Variants in SCML2 observed in about 807,000 individuals in gnomAD.
SCML2 encodes the protein sex comb on midleg-like protein 2.
Under a neutral mutation model 48.4 loss-of-function variants are expected in SCML2, and 6 were observed. The observed-to-expected ratio is 0.12, with a 90% confidence interval of 0.07 to 0.24. The LOEUF (loss-of-function observed/expected upper bound fraction) is 0.24, where lower values mean the gene tolerates loss of function less well. SCML2 is among the 10% of genes least tolerant of loss of function. SCML2 has a pLI of 1.00. For missense variants in SCML2, 377 were observed against 528.2 expected (o/e 0.71, Z 2.81); for synonymous variants, 181 against 189.5 (o/e 0.95, Z 0.37).
intron 3 of SCML2, among the ~76,000 whole-genome samples, chrX:18,329,440 C>A: frequency 8.9e-6 from 1 of 111,959 alleles, no homozygotes; most frequent in Middle Eastern, 4.2e-3. Context: ...TGCACTGGGG[C>A]TGGCAGGGCA....
chrX:18,260,162 T>C lies in SCML2; in HGVS notation c.1069+9A>G, dbSNP rs944126109. 8.0e-6 allele frequency: 9 copies of C among 1,124,166 alleles called. No individual in the cohort carries two copies. Among genetic ancestry groups the C allele is most frequent in the South Asian group, 2.3e-5 (1 of 44,106 alleles). The allele number at this position is 1,124,166 out of a possible 1,213,427, so 92.6% of individuals were successfully genotyped here. ...GTAATTCTATACTATTTTTAAAATA[T>C]GAATTTACCTGTAGACATCACTATT... On this transcript the variant is annotated intron_variant, in intron 9 of 14. Coordinates refer to ENST00000251900, the MANE Select transcript of SCML2 (RefSeq NM_006089.3).
chrX:18,284,937 G>A (rs969658888), intron 7 of SCML2, among the ~76,000 whole-genome samples: 10 of 110,978 alleles, frequency 9.0e-5, no homozygotes, highest in Admixed American at 3.8e-4. Context: ...CTACTCGGGA[G>A]GCTGAGGCAG....
intron 7 of SCML2, among the ~76,000 whole-genome samples, chrX:18,290,857 T>A (rs1318546320): frequency 2.7e-5 from 3 of 111,383 alleles, no homozygotes; most frequent in Non-Finnish European, 5.7e-5. Context: ...GTTGCTGGAT[T>A]ATCCTGTCTT....
At chrX:18,253,928 T>C (rs979260068) in intron 11 of SCML2, among the ~76,000 whole-genome samples, 22 of 111,785 alleles carry the variant, frequency 2.0e-4, no homozygotes, top group African/African-American at 6.8e-4. Flanking sequence ...ATAATTCCAT[T>C]TCTATAAAGT....
intron 7 of SCML2, among the ~76,000 whole-genome samples, chrX:18,276,787 A>G (rs1439265326): frequency 8.9e-6 from 1 of 111,805 alleles, no homozygotes; most frequent in African/African-American, 3.2e-5. Flanking sequence ...AGGTAAATCC[A>G]TAGAGACAGA....
rs1368657829 is a variant in SCML2 at position 18,320,322 on chromosome X, T to C, written c.486+10A>G. ...AAAAACATGGCAGCTTTTTATAACA[T>C]CTTTCTTACCTTCTTAAATAATGTG... On this transcript the variant is annotated intron_variant, in intron 6 of 14. Coordinates refer to ENST00000251900, the MANE Select transcript of SCML2 (RefSeq NM_006089.3). 6 of 1,067,674 alleles carry C rather than the reference T, an allele frequency of 5.6e-6. No individual in the cohort carries two copies. Among genetic ancestry groups the C allele is most frequent in the Non-Finnish European group, 2.5e-6 (2 of 789,983 alleles). The allele number at this position is 1,067,674 out of a possible 1,213,427, so 88.0% of individuals were successfully genotyped here.
chrX:18,339,753 G>T (rs978251814), intron 1 of SCML2, among the ~76,000 whole-genome samples: 1 of 110,889 alleles, frequency 9.0e-6, no homozygotes, highest in Non-Finnish European at 1.9e-5. Flanking sequence ...AGAGAAGGTG[G>T]CTTTTGGCCC....
chrX:18,257,027 G>A lies in SCML2; in HGVS notation c.1277C>T (p.Ser426Phe). The A allele has an allele frequency of 8.6e-7, 1 of 1,164,189 alleles. No individual in the cohort carries two copies. The highest frequency in any genetic ancestry group is 1.1e-6 in the Non-Finnish European group (1 of 872,583). Reference protein sequence around the residue: ...DNRGGEVITASFDGETHSIQL... With the variant: ...DNRGGEVITAFFDGETHSIQL... Reference sequence around the variant, plus strand: ...GATGGAATGAGTTTCCCCATCAAAGGAGGCTATTGGGGGAAAAAAAAGGAT... The same window carrying A: ...GATGGAATGAGTTTCCCCATCAAAGAAGGCTATTGGGGGAAAAAAAAGGAT... Residue 426 changes from serine (S) to phenylalanine (F), a missense_variant, in exon 11 of 15, where the codon TCC becomes TTC. Physicochemically the swap from Ser to Phe is radical, Grantham distance 155. Coordinates refer to ENST00000251900, the MANE Select transcript of SCML2 (RefSeq NM_006089.3).
At chrX:18,258,641 G>A (rs1025120098) in intron 9 of SCML2, among the ~76,000 whole-genome samples, 3 of 110,454 alleles carry the variant, frequency 2.7e-5, no homozygotes, top group South Asian at 3.8e-4. Context: ...CTTTCAAAAC[G>A]GGTCATCTTG....
Position 18,324,763 on chromosome X carries a change from G to C in SCML2, c.162+144C>G, listed in dbSNP as rs987635826. ...ACCTGACATAGAGTAAGTTCTTAATGAATGCAAAGAGACCATCTGGCTCTT... is the reference window on the plus strand; with the variant it reads ...ACCTGACATAGAGTAAGTTCTTAATCAATGCAAAGAGACCATCTGGCTCTT... On this transcript the variant is annotated intron_variant, in intron 4 of 14. Coordinates refer to ENST00000251900, the MANE Select transcript of SCML2 (RefSeq NM_006089.3). 4 of 427,174 alleles carry C rather than the reference G, an allele frequency of 9.4e-6. No individual in the cohort carries two copies. The African/African-American group carries it at 1.0e-4, about 11-fold the overall frequency. The allele number at this position is 427,174 out of a possible 1,213,427, so 35.2% of individuals were successfully genotyped here.
At position 18,312,978 on chromosome X, in the gene SCML2, C is replaced by T. The variant is rs866708148; in HGVS notation, c.486+7354G>A. Among the ~76,000 whole-genome samples, 30 of 94,990 alleles carry T rather than the reference C, an allele frequency of 3.2e-4. No homozygotes were observed. In the East Asian group the frequency reaches 7.0e-3, roughly 22 times the overall value. 82.5% of individuals were successfully genotyped at this position (94,990 alleles called of 115,157 possible). ...GACGTTTGGAGCCAGAATGGGTGTG[C>T]GTGTGTGTGTGTGTGTGTGTGTGTG... On this transcript the variant is annotated intron_variant, in intron 6 of 14. Transcript: ENST00000251900.
intron 7 of SCML2, among the ~76,000 whole-genome samples, chrX:18,295,568 C>G (rs749814670): frequency 1.4e-4 from 15 of 110,569 alleles, no homozygotes; most frequent in Middle Eastern, 9.3e-3. Flanking sequence ...CTACACCACA[C>G]ACACCACCCA....
At chrX:18,313,062 A>G (rs192892673) in intron 6 of SCML2, among the ~76,000 whole-genome samples, 1 of 109,188 alleles carries the variant, frequency 9.2e-6, no homozygotes, top group Non-Finnish European at 1.9e-5. Flanking sequence ...AGCAGCACTC[A>G]TATCTAGGTT....
chrX:18,335,240 A>C (rs1318805907), intron 1 of SCML2, among the ~76,000 whole-genome samples: 1 of 111,976 alleles, frequency 8.9e-6, no homozygotes, highest in Non-Finnish European at 1.9e-5. Flanking sequence ...ACAGTGGCTC[A>C]TGCCTGTAAT....
chrX:18,343,360 A>T (rs186844047), intron 1 of SCML2, among the ~76,000 whole-genome samples: 5 of 109,042 alleles, frequency 4.6e-5, no homozygotes, highest in Non-Finnish European at 1.9e-5. Context: ...GGAAAAAAAA[A>T]AGAGAGAGAG....
At chrX:18,303,826 T>C (rs768140982) in intron 7 of SCML2, among the ~76,000 whole-genome samples, 1 of 111,904 alleles carries the variant, frequency 8.9e-6, no homozygotes, top group South Asian at 3.7e-4. Context: ...AGTACTGTAG[T>C]ATAATGGAAT....
At chrX:18,309,125 C>A (rs1030554905) in intron 6 of SCML2, among the ~76,000 whole-genome samples, 2 of 103,895 alleles carry the variant, frequency 1.9e-5, no homozygotes, top group African/African-American at 7.2e-5. Flanking sequence ...CTCTTGAACC[C>A]GGGAGACAGA....
In SCML2 at chrX:18,324,020, G is replaced by A; in HGVS notation, c.236C>T (p.Ser79Leu). 8.3e-7 allele frequency: 1 copy of A among 1,210,562 alleles called. No homozygotes were observed. The highest frequency in any genetic ancestry group is 1.1e-6 in the Non-Finnish European group (1 of 894,714). ...LEARDPRNAT[S>L]VCIATVIGIT... is the part of the protein sequence containing the mutation. ...TCCAATAACCGTAGCAATACATACT[G>A]AAGTGGCATTGCGAGGGTCACGGGC... The change falls in exon 5 of 15, where the codon TCA (serine) becomes TTA (leucine). Residue 79 changes from serine (S) to leucine (L), a missense_variant. Coordinates refer to ENST00000251900, the MANE Select transcript of SCML2 (RefSeq NM_006089.3).
chrX:18,245,722 G>A (rs768597904), intron 13 of SCML2, among the ~76,000 whole-genome samples: 7 of 111,941 alleles, frequency 6.3e-5, no homozygotes, highest in Non-Finnish European at 1.1e-4. Context: ...ATGGAAGGCC[G>A]TTTTGGCTCC....
Sources: gnomAD v4.1 joint callset for allele counts (sites outside exome capture counted in the v4.1 genomes callset) on GRCh38, gnomAD v4.1.1 for gene constraint, MANE v1.5 for transcripts, NCBI Gene and HGNC (gene_info 2026-07-23, HGNC 2026-07-21) for gene names.